Variants in NUDT3 observed in about 807,000 individuals in gnomAD.
NUDT3 encodes nudix hydrolase 3, also known as diphosphoinositol polyphosphate phosphohydrolase 1.
In NUDT3, 9 loss-of-function variants were observed where a neutral mutation model predicts 23.6. That is an observed-to-expected ratio of 0.38 (90% CI 0.23 to 0.66). NUDT3 has a LOEUF of 0.66. NUDT3 is among the 30% of genes least tolerant of loss of function. NUDT3 has a pLI of 0.52. For synonymous variants in NUDT3, 86 were observed against 82.6 expected, an observed-to-expected ratio of 1.04 and a Z score of -0.22; for missense variants, 172 against 218.5, an observed-to-expected ratio of 0.79 and a Z score of 1.34.
chr6:34,308,726 T>C (rs755293220), intron 2 of NUDT3, among the ~76,000 whole-genome samples: 11 of 152,028 alleles, frequency 7.2e-5, no homozygotes, highest in Non-Finnish European at 1.6e-4. Flanking sequence ...GATAAAGGGG[T>C]CAGTTCTACA....
At chr6:34,354,428 C>A (rs971224283) in intron 1 of NUDT3, among the ~76,000 whole-genome samples, 2 of 141,542 alleles carry the variant, frequency 1.4e-5, no homozygotes, top group African/African-American at 5.6e-5. Context: ...CACACACACA[C>A]ATACACACTC....
intron 2 of NUDT3, among the ~76,000 whole-genome samples, chr6:34,301,319 C>T (rs1763593772): frequency 6.6e-6 from 1 of 152,244 alleles, no homozygotes; most frequent in South Asian, 2.1e-4. Flanking sequence ...CTCCACCTCT[C>T]CCTACATCCA....
At chr6:34,311,888 T>C (rs1763779241) in intron 2 of NUDT3, among the ~76,000 whole-genome samples, 1 of 152,170 alleles carries the variant, frequency 6.6e-6, no homozygotes, top group South Asian at 2.1e-4. Flanking sequence ...AAAATCAATC[T>C]AGACACAAAC....
At chr6:34,296,590 T>C (rs994004545) in intron 2 of NUDT3, among the ~76,000 whole-genome samples, 1 of 152,088 alleles carries the variant, frequency 6.6e-6, no homozygotes, top group African/African-American at 2.4e-5. Flanking sequence ...CATACATACA[T>C]ACATACACGC....
intron 1 of NUDT3, among the ~76,000 whole-genome samples, chr6:34,385,427 G>A (rs992116562): frequency 6.6e-6 from 1 of 152,162 alleles, no homozygotes; most frequent in African/African-American, 2.4e-5. Flanking sequence ...TCTTTTATAT[G>A]TATATAAACA....
rs1404876662 is a variant in NUDT3 at position 34,281,640 on chromosome 6, AACT to A, written c.*7110_*7112del. ...AGTAGAGCTGACCAATTACTTTTCT[AACT>A]ACTAATGCAACACCATGCCACTGGG... On this transcript the variant is annotated 3_prime_UTR_variant, in exon 5 of 5. Transcript: ENST00000607016. 6.6e-6 allele frequency: 1 copy of A among 152,214 alleles called. No individual in the cohort carries two copies. The highest frequency in any genetic ancestry group is 2.4e-5 in the African/African-American group (1 of 41,450). The allele number at this position is 152,214 out of a possible 1,614,324, so 9.4% of individuals were successfully genotyped here.
At chr6:34,318,534 T>C (rs148497153) in intron 2 of NUDT3, among the ~76,000 whole-genome samples, 2,792 of 152,330 alleles carry the variant, frequency 0.018, 70 homozygotes, top group Middle Eastern at 0.071. Flanking sequence ...TTTAACTATG[T>C]GTCTTACAGG....
At chr6:34,335,269 A>G (rs1764191882) in intron 2 of NUDT3, among the ~76,000 whole-genome samples, 1 of 152,198 alleles carries the variant, frequency 6.6e-6, no homozygotes, top group Admixed American at 6.5e-5. Context: ...TTGATGAAGC[A>G]AAAGTGAACG....
chr6:34,373,969 C>A (rs1764879690), intron 1 of NUDT3, among the ~76,000 whole-genome samples: 1 of 151,960 alleles, frequency 6.6e-6, no homozygotes, highest in African/African-American at 2.4e-5. Flanking sequence ...GCCTGGCCAA[C>A]ATGGTGAAAC....
chr6:34,302,554 G>A (rs944871004), intron 2 of NUDT3, among the ~76,000 whole-genome samples: 14 of 152,220 alleles, frequency 9.2e-5, no homozygotes, highest in African/African-American at 3.4e-4. Context: ...GCAATATGGT[G>A]AAACCAGTCT....
intron 1 of NUDT3, among the ~76,000 whole-genome samples, chr6:34,342,212 C>G (rs560625340): frequency 3.7e-4 from 55 of 150,424 alleles, no homozygotes; most frequent in African/African-American, 1.1e-3. Flanking sequence ...GCTCAATCAC[C>G]TGCTCTATTT....
intron 2 of NUDT3, among the ~76,000 whole-genome samples, chr6:34,334,048 A>G (rs1395491817): frequency 6.6e-6 from 1 of 152,252 alleles, no homozygotes; most frequent in African/African-American, 2.4e-5. Flanking sequence ...GCGCGTGACC[A>G]GGCTCCTTGA....
At chr6:34,293,023 C>T (rs1165949277) in intron 4 of NUDT3, among the ~76,000 whole-genome samples, 1 of 152,106 alleles carries the variant, frequency 6.6e-6, no homozygotes, top group East Asian at 1.9e-4. Flanking sequence ...TATACACATC[C>T]TTCAATTATT....
intron 1 of NUDT3, among the ~76,000 whole-genome samples, chr6:34,366,467 AGAGGGAAGGGAGGGAGGGAGGGAGG>A (rs1764733229): frequency 1.2e-5 from 1 of 82,784 alleles, no homozygotes; most frequent in Non-Finnish European, 2.2e-5. Flanking sequence ...AGAAAGAGAG[AGAGGGAAGGGAGGGAGGGAGGGAGG>A]GAGGGAGGGA....
At chr6:34,327,695 C>T (rs1017700776) in intron 2 of NUDT3, among the ~76,000 whole-genome samples, 1 of 152,170 alleles carries the variant, frequency 6.6e-6, no homozygotes, top group Non-Finnish European at 1.5e-5. Context: ...GGGGTTTAAG[C>T]TTCCAGATGA....
chr6:34,359,319 G>A (rs1267508657), intron 1 of NUDT3, among the ~76,000 whole-genome samples: 1 of 152,204 alleles, frequency 6.6e-6, no homozygotes, highest in Admixed American at 6.5e-5. Context: ...GATGCAGTGA[G>A]CCGAGATCGT....
intron 2 of NUDT3, among the ~76,000 whole-genome samples, chr6:34,324,444 G>A (rs1328407537): frequency 4.6e-5 from 7 of 151,642 alleles, no homozygotes; most frequent in African/African-American, 1.7e-4. Context: ...TCTCACTTGT[G>A]CCCAGGACAG....
rs1401801085 is a variant in NUDT3, at chr6:34,341,897, G to C, written c.175C>G (p.Pro59Ala). The C allele has an allele frequency of 6.2e-7, 1 of 1,614,042 alleles. No individual in the cohort carries two copies. Among genetic ancestry groups the C allele is most frequent in the Non-Finnish European group, 8.5e-7 (1 of 1,179,960 alleles). Reference sequence around the variant, plus strand: ...ACTTCACGAACTGCTGCCACACTTGGCTCCTCCTCGGGCTCCATGCCTCCT... The same window carrying C: ...ACTTCACGAACTGCTGCCACACTTGCCTCCTCCTCGGGCTCCATGCCTCCT... ...PGGGMEPEEEPSVAAVREVCE... is the reference protein window; with the variant it reads ...PGGGMEPEEEASVAAVREVCE... Residue 59 changes from proline (P) to alanine (A), a missense_variant, in exon 2 of 5, where the codon CCA (proline) becomes GCA (alanine). Physicochemically the swap from Pro to Ala is conservative, Grantham distance 27. Transcript: ENST00000607016.
chr6:34,309,688 A>C (rs1355211725), intron 2 of NUDT3, among the ~76,000 whole-genome samples: 1 of 151,790 alleles, frequency 6.6e-6, no homozygotes, highest in Non-Finnish European at 1.5e-5. Flanking sequence ...AAAAATTGAT[A>C]AGTCTTCAGC....
Sources: allele counts gnomAD v4.1 joint callset (sites outside exome capture counted in the v4.1 genomes callset), GRCh38; gene constraint gnomAD v4.1.1; transcripts MANE v1.5; gene names NCBI Gene and HGNC (gene_info 2026-07-23, HGNC 2026-07-21).